DAB2IP: variants seen among roughly 807,000 people sequenced by gnomAD.
The protein encoded by DAB2IP is disabled homolog 2-interacting protein.
A neutral mutation model predicts 107.2 loss-of-function variants in DAB2IP; 28 were observed. The observed-to-expected ratio is 0.26, with a 90% CI of 0.19 to 0.36. The LOEUF (loss-of-function observed/expected upper bound fraction) is 0.36. Ranked by LOEUF, DAB2IP falls within the 10% of genes least tolerant of loss-of-function variation. DAB2IP has a pLI of 1.00. For synonymous variants in DAB2IP, 755 were observed against 706.4 expected, an observed-to-expected ratio of 1.07 and a Z score of -1.09; for missense variants, 1,400 against 1,644.7, an observed-to-expected ratio of 0.85 and a Z score of 2.57.
Position 121,782,363 on chromosome 9 carries a change from T to A in DAB2IP, c.3435T>A (p.Asn1145Lys). The stretch of plus-strand genomic sequence containing the variant: ...GCATTGCCTCGTTGGATGCCGCCAA[T>A]GCCCGCCTCATGAGTGCCCTGACCC... Residue 1145 changes from asparagine to lysine, a missense_variant, in exon 16 of 16, where the codon AAT becomes AAA. By Grantham distance (94) the Asn-to-Lys change is moderately conservative. Coordinates refer to ENST00000408936, the Ensembl canonical transcript of DAB2IP. The surrounding 1 kb of genome is among the most constrained non-coding windows in gnomAD (Gnocchi z 6.1). 1 of 1,613,924 alleles carries A rather than the reference T, an allele frequency of 6.2e-7. No homozygotes were observed. Among genetic ancestry groups the A allele is most frequent in the Non-Finnish European group, 8.5e-7 (1 of 1,179,924 alleles).
intron 2 of DAB2IP, among the ~76,000 whole-genome samples, chr9:121,690,736 C>CT (rs1829121958): frequency 6.6e-6 from 1 of 152,196 alleles, no homozygotes; most frequent in Non-Finnish European, 1.5e-5. Context: ...GGGCTCCCCT[C>CT]TTTTTCCTCC....
intron 3 of DAB2IP, among the ~76,000 whole-genome samples, chr9:121,741,425 T>C (rs1402397609): frequency 6.6e-6 from 1 of 152,232 alleles, no homozygotes; most frequent in East Asian, 1.9e-4. Flanking sequence ...TGCTGCCTCC[T>C]GACAGCCTGT....
At chr9:121,720,938 C>G (rs192999558) in intron 3 of DAB2IP, among the ~76,000 whole-genome samples, 17 of 152,204 alleles carry the variant, frequency 1.1e-4, no homozygotes, top group Non-Finnish European at 1.9e-4. Flanking sequence ...TTCATTTACT[C>G]GAAAGAAAAA....
chr9:121,676,641 A>ACACACACACACACACACT (rs1219329345), intron 1 of DAB2IP, among the ~76,000 whole-genome samples: 79 of 151,774 alleles, frequency 5.2e-4, no homozygotes, highest in African/African-American at 1.8e-3. Context: ...AGACGCACAC[A>ACACACACACACACACACT]CACACACACA....
chr9:121,638,517 C>T lies in DAB2IP; in HGVS notation c.41-40161C>T, dbSNP rs149248629. Among the ~76,000 whole-genome samples, 107 of 151,976 alleles carry T rather than the reference C, an allele frequency of 7.0e-4. 1 individual carries two copies. In the East Asian group the frequency reaches 0.017, roughly 24 times the overall value. On this transcript the variant is annotated intron_variant, in intron 1 of 16. Coordinates refer to the DAB2IP transcript ENST00000259371. The stretch of plus-strand genomic sequence containing the variant: ...TGTTGCAGGAGGGCTGTGGAGGAGG[C>T]GGTGAATTGAGAGAGGGGAGTGGTG...
upstream of DAB2IP, among the ~76,000 whole-genome samples, chr9:121,648,940 C>T (rs866356427): frequency 7.9e-5 from 12 of 152,252 alleles, no homozygotes; most frequent in African/African-American, 2.9e-4. Context: ...GGGGCGCCGG[C>T]GGGAGGTGGG....
chr9:121,595,966 C>T (rs907531289), intron 1 of DAB2IP, among the ~76,000 whole-genome samples: 22 of 152,006 alleles, frequency 1.4e-4, no homozygotes, highest in African/African-American at 4.1e-4. Flanking sequence ...GCGGGAGGAT[C>T]GCTTGAGTCC....
intron 1 of DAB2IP, among the ~76,000 whole-genome samples, chr9:121,602,406 A>G (rs144421539): frequency 3.3e-5 from 5 of 152,048 alleles, no homozygotes; most frequent in Non-Finnish European, 7.4e-5. Flanking sequence ...AGGTTATTAT[A>G]TTTTGGAGAC....
At chr9:121,575,224 G>A (rs1589369875) in intron 1 of DAB2IP, 1 of 152,524 alleles carries the variant, frequency 6.6e-6, no homozygotes, top group Non-Finnish European at 1.5e-5. Flanking sequence ...CCAGGCCTGG[G>A]CTTCTATCTG....
chr9:121,727,675 G>A (rs898018071), intron 3 of DAB2IP, among the ~76,000 whole-genome samples: 18 of 152,212 alleles, frequency 1.2e-4, no homozygotes, highest in Non-Finnish European at 1.9e-4. Flanking sequence ...GAAATGGTGA[G>A]AAAAGGAATG....
At chr9:121,570,355 C>A (rs1589366187) in intron 1 of DAB2IP, among the ~76,000 whole-genome samples, 1 of 151,820 alleles carries the variant, frequency 6.6e-6, no homozygotes, top group East Asian at 1.9e-4. Flanking sequence ...CTCAAGTGAT[C>A]CACCTGCCTC....
At position 121,633,383 on chromosome 9, in the gene DAB2IP, ACCCC is replaced by A. The variant is rs781557828; in HGVS notation, c.41-45291_41-45288del. 6.6e-5 allele frequency among the ~76,000 whole-genome samples: 10 copies of A among 151,368 alleles called. No individual in the cohort carries two copies. Among genetic ancestry groups the A allele is most frequent in the Non-Finnish European group, 1.5e-4 (10 of 67,890 alleles). ...GGTTGTGTCTTTGCCCACTGACCCC[ACCCC>A]CCCTACCAAACCACCTCTGCTGCAA... is the stretch of plus-strand genomic sequence containing the variant. On this transcript the variant is annotated intron_variant, in intron 1 of 16. Transcript: ENST00000259371. This position sits in a 1 kb window ranked among gnomAD's most constrained non-coding sequence, Gnocchi z 5.1.
intron 9 of DAB2IP, among the ~76,000 whole-genome samples, 187 bp from the exon 10 acceptor site, chr9:121,768,245 G>C (rs1307090404): frequency 6.6e-6 from 1 of 152,164 alleles, no homozygotes; most frequent in South Asian, 2.1e-4. Flanking sequence ...GAAAAGGATC[G>C]CTGGACTTAC....
chr9:121,597,960 G>A (rs900837224), intron 1 of DAB2IP, among the ~76,000 whole-genome samples: 3 of 152,196 alleles, frequency 2.0e-5, no homozygotes, highest in Admixed American at 2.0e-4. Flanking sequence ...CCCATTTCTG[G>A]GAGGCTCTTC....
exon 8 of DAB2IP, chr9:121,763,845 G>A: frequency 2.5e-6 from 4 of 1,614,122 alleles, no homozygotes; most frequent in Non-Finnish European, 3.4e-6. Context: ...GATGTGCTGC[G>A]AGCTGGCCTT....
chr9:121,722,263 G>A (rs1051213330), intron 3 of DAB2IP, among the ~76,000 whole-genome samples: 4 of 152,256 alleles, frequency 2.6e-5, no homozygotes, highest in East Asian at 3.9e-4. Flanking sequence ...GAGGGCTTTC[G>A]CAAGAACACC....
chr9:121,709,119 C>T (rs542152034), intron 3 of DAB2IP, among the ~76,000 whole-genome samples: 2 of 152,362 alleles, frequency 1.3e-5, no homozygotes, highest in South Asian at 4.1e-4. Context: ...CCACCAACTG[C>T]TTCCCTCTGA....
At chr9:121,770,361 A>T (rs1471238285) in intron 10 of DAB2IP, among the ~76,000 whole-genome samples, 185 bp from the exon 11 acceptor site, 1 of 152,140 alleles carries the variant, frequency 6.6e-6, no homozygotes, top group Non-Finnish European at 1.5e-5. Context: ...AGCTGGTTAA[A>T]AATGTAGATT....
chr9:121,647,478 C>CA (rs1273340023), upstream of DAB2IP, among the ~76,000 whole-genome samples: 1 of 152,172 alleles, frequency 6.6e-6, no homozygotes, highest in African/African-American at 2.4e-5. Context: ...CCCTGCTGAC[C>CA]CACCCTGGCC....
Sources: gnomAD v4.1 joint callset for allele counts (sites outside exome capture counted in the v4.1 genomes callset) on GRCh38, gnomAD v4.1.1 for gene constraint, Gnocchi (gnomAD v3.1) non-coding constraint, MANE v1.5 for transcripts, NCBI Gene and HGNC (gene_info 2026-07-23, HGNC 2026-07-21) for gene names.